The following SH2D4A variants were observed in gnomAD, a reference collection of about 807,000 sequenced individuals.
SH2D4A encodes the protein SH2 domain-containing protein 4A.
A neutral mutation model predicts 64.7 loss-of-function variants in SH2D4A; 70 were observed. That is an observed-to-expected ratio of 1.08 (90% CI 0.89 to 1.32). The LOEUF is 1.32. Among genes scored for constraint, SH2D4A ranks in the 40% most tolerant of loss-of-function variants. The pLI, the probability that SH2D4A is intolerant of heterozygous loss-of-function variation, is 0.00. For missense variants in SH2D4A, 706 were observed against 540.1 expected (o/e 1.31, Z -3.04); for synonymous variants, 268 against 200.7 (o/e 1.34, Z -2.83).
At chr8:19,390,666 A>G (rs1489804019) in intron 8 of SH2D4A, among the ~76,000 whole-genome samples, 2 of 152,218 alleles carry the variant, frequency 1.3e-5, no homozygotes, top group African/African-American at 4.8e-5. Context: ...TTCAAAGCCT[A>G]GGCTCCAGGG....
At chr8:19,315,699 C>A (rs1385925820) in intron 1 of SH2D4A, among the ~76,000 whole-genome samples, 1 of 152,170 alleles carries the variant, frequency 6.6e-6, no homozygotes, top group South Asian at 2.1e-4. Flanking sequence ...TTTGTTGGAT[C>A]TTGAATAACC....
intron 2 of SH2D4A, 82 bp downstream of exon 2, chr8:19,319,810 G>C: frequency 1.4e-6 from 2 of 1,396,912 alleles, no homozygotes; most frequent in Non-Finnish European, 1.9e-6. Flanking sequence ...CTAGTCACAA[G>C]CAAAGCAGGT....
intron 4 of SH2D4A, among the ~76,000 whole-genome samples, chr8:19,338,724 A>G (rs995097252): frequency 7.2e-5 from 11 of 152,190 alleles, no homozygotes; most frequent in African/African-American, 2.7e-4. Context: ...TGTTGGCCCA[A>G]GGTTGGGTCT....
Position 19,357,337 on chromosome 8 carries a change from A to T in SH2D4A, c.594+54A>T. 12 of 1,209,972 alleles carry T rather than the reference A, an allele frequency of 9.9e-6. No homozygotes were observed. The South Asian group carries it at 1.2e-4, about 12-fold the overall frequency. 75.0% of individuals were successfully genotyped at this position (1,209,972 alleles called of 1,614,324 possible). On this transcript the variant is annotated intron_variant, in intron 5 of 9. Coordinates refer to ENST00000265807, the MANE Select transcript of SH2D4A (RefSeq NM_022071.4). ...GGCTGCATACCTAGGCATTTCCACTAATGTTTCACAGATTAGTTAATTAAT... is the reference window on the plus strand; with the variant it reads ...GGCTGCATACCTAGGCATTTCCACTTATGTTTCACAGATTAGTTAATTAAT...
chr8:19,385,158 C>T (rs1183259671), intron 8 of SH2D4A, among the ~76,000 whole-genome samples: 2 of 151,718 alleles, frequency 1.3e-5, no homozygotes, highest in South Asian at 2.1e-4. Context: ...TTAGCAAGCA[C>T]ATCCTTTTTA....
At chr8:19,331,657 A>G (rs1257213169) in intron 2 of SH2D4A, among the ~76,000 whole-genome samples, 2 of 152,226 alleles carry the variant, frequency 1.3e-5, no homozygotes, top group African/African-American at 4.8e-5. Context: ...TGAGGCAGCC[A>G]TATAAGTAAA....
chr8:19,315,497 G>C (rs771783365), intron 1 of SH2D4A, among the ~76,000 whole-genome samples: 14 of 152,178 alleles, frequency 9.2e-5, no homozygotes, highest in Non-Finnish European at 1.6e-4. Context: ...TTAGGTCTCA[G>C]AGTTATTCAA....
In SH2D4A at chr8:19,322,746, C is replaced by G. The variant is rs1026000208; in HGVS notation, c.181+3018C>G. Reference sequence around the variant, plus strand: ...TGCAGTGGTGTGACATTTCAACTCACTGCAACCTCTGCCTCCCAGGTTCAA... The same window carrying G: ...TGCAGTGGTGTGACATTTCAACTCAGTGCAACCTCTGCCTCCCAGGTTCAA... On this transcript the variant is annotated intron_variant, in intron 2 of 9. Transcript: ENST00000265807. 2.7e-5 allele frequency among the ~76,000 whole-genome samples: 4 copies of G among 149,554 alleles called. No homozygotes were observed. The East Asian group carries it at 5.9e-4, about 22-fold the overall frequency.
At chr8:19,324,786 A>G (rs2052250760) in intron 2 of SH2D4A, among the ~76,000 whole-genome samples, 1 of 152,294 alleles carries the variant, frequency 6.6e-6, no homozygotes, top group Non-Finnish European at 1.5e-5. Context: ...GAAAATGCAC[A>G]GAGACACCAT....
At chr8:19,392,581 TGGTAAACTGA>T (rs913734864) in intron 8 of SH2D4A, among the ~76,000 whole-genome samples, 1 of 152,130 alleles carries the variant, frequency 6.6e-6, no homozygotes, top group African/African-American at 2.4e-5. Context: ...GAGTCCTTGT[TGGTAAACTGA>T]GGTAGCCTAG....
In SH2D4A at chr8:19,317,895, CT is replaced by C. The variant is rs377444735; in HGVS notation, c.-204-1439del. Among the ~76,000 whole-genome samples, 1,283 of 148,920 alleles carry C rather than the reference CT, an allele frequency of 8.6e-3. 12 individuals are homozygous for C. The highest frequency in any genetic ancestry group is 0.029 in the African/African-American group (1,180 of 40,646). ...TAAATAACAAATTATTGGTCAATTT[CT>C]TTTTTTTTTCTTTTTTTATTTTTGA... On this transcript the variant is annotated intron_variant, in intron 1 of 9. Transcript: ENST00000265807.
intron 4 of SH2D4A, among the ~76,000 whole-genome samples, chr8:19,349,199 G>A (rs1195379028): frequency 6.6e-6 from 1 of 152,144 alleles, no homozygotes; most frequent in East Asian, 1.9e-4. Flanking sequence ...AATTAATTGT[G>A]CATATCTTAT....
intron 8 of SH2D4A, among the ~76,000 whole-genome samples, chr8:19,385,581 G>A (rs563332982): frequency 1.1e-4 from 17 of 152,224 alleles, no homozygotes; most frequent in African/African-American, 4.1e-4. Context: ...CCTCTTGGAG[G>A]TATTCTCTGG....
chr8:19,350,224 A>C (rs1046032885), intron 4 of SH2D4A, among the ~76,000 whole-genome samples: 12 of 152,102 alleles, frequency 7.9e-5, no homozygotes, highest in Admixed American at 5.9e-4. Flanking sequence ...TCCCTGGATG[A>C]GAATGTAAGA....
chr8:19,348,228 T>C (rs34893245), intron 4 of SH2D4A, among the ~76,000 whole-genome samples: 14,867 of 152,102 alleles, frequency 0.098, 825 homozygotes, highest in Middle Eastern at 0.16. Flanking sequence ...CCCAAGAAGC[T>C]TGGATTACAG....
At chr8:19,327,694 A>T (rs2117193843) in intron 2 of SH2D4A, among the ~76,000 whole-genome samples, 1 of 152,276 alleles carries the variant, frequency 6.6e-6, no homozygotes, top group East Asian at 1.9e-4. Flanking sequence ...TGTGCTCTTG[A>T]AGTACTCTTT....
At chr8:19,386,682 T>G (rs980170758) in intron 8 of SH2D4A, among the ~76,000 whole-genome samples, 10 of 152,190 alleles carry the variant, frequency 6.6e-5, no homozygotes, top group Non-Finnish European at 1.5e-4. Flanking sequence ...GAGAGTCTGC[T>G]TTGGGGGTTT....
chr8:19,364,107 T>C lies in SH2D4A; in HGVS notation c.742T>C (p.Ser248Pro). Residue 248 changes from serine to proline, a missense_variant, in exon 7 of 10, where the codon TCC becomes CCC. Physicochemically the swap from Ser to Pro is moderately conservative, Grantham distance 74. Coordinates refer to ENST00000265807, the MANE Select transcript of SH2D4A (RefSeq NM_022071.4). Reference sequence around the variant, plus strand: ...CAAAGCAGCTGATGAGAAGAGACGCTCCTTGGCTAAACAAGCACGAGAAGA... The same window carrying C: ...CAAAGCAGCTGATGAGAAGAGACGCCCCTTGGCTAAACAAGCACGAGAAGA... ...KSKAADEKRR[S>P]LAKQAREDYK... The C allele has an allele frequency of 6.2e-7, 1 of 1,613,968 alleles. No homozygotes were observed. Among genetic ancestry groups the C allele is most frequent in the Non-Finnish European group, 8.5e-7 (1 of 1,179,936 alleles).
chr8:19,340,949 G>A (rs114325273), intron 4 of SH2D4A, among the ~76,000 whole-genome samples: 5,794 of 152,196 alleles, frequency 0.038, 172 homozygotes, highest in South Asian at 0.093. Context: ...TTCTCATGGA[G>A]TTAAGTCTTT....
Sources: allele counts gnomAD v4.1 joint callset (sites outside exome capture counted in the v4.1 genomes callset), GRCh38; gene constraint gnomAD v4.1.1; transcripts MANE v1.5; gene names NCBI Gene and HGNC (gene_info 2026-07-23, HGNC 2026-07-21).